Variants in IFT74 observed in about 807,000 individuals in gnomAD.
IFT74 encodes the protein intraflagellar transport protein 74 homolog.
IFT74 carries 92 observed loss-of-function variants against 96.7 expected under a neutral mutation model. The observed-to-expected ratio is 0.95, with a 90% CI of 0.80 to 1.13. IFT74 has a LOEUF of 1.13. Ranked by LOEUF, IFT74 falls within the 50% of genes most tolerant of loss-of-function variation. IFT74 has a pLI of 0.00. For synonymous variants in IFT74, 223 were observed against 213.2 expected (o/e 1.05, Z -0.40); for missense variants, 811 against 698.2 (o/e 1.16, Z -1.82).
At chr9:26,976,569 G>A (rs1827136936) in intron 2 of IFT74, 1 of 343,906 alleles carries the variant, frequency 2.9e-6, no homozygotes, top group Non-Finnish European at 5.6e-6. Flanking sequence ...GGAGGAAGGG[G>A]TCATCTACAG....
At chr9:27,029,848 C>T (rs1830041871) in intron 13 of IFT74, among the ~76,000 whole-genome samples, 1 of 152,180 alleles carries the variant, frequency 6.6e-6, no homozygotes, top group Non-Finnish European at 1.5e-5. Context: ...ACAAATACCA[C>T]ACAAATAATC....
intron 16 of IFT74, among the ~76,000 whole-genome samples, chr9:27,052,507 C>CAAAA (rs1187027414): frequency 7.0e-5 from 4 of 57,204 alleles, no homozygotes; most frequent in Non-Finnish European, 1.4e-4. Flanking sequence ...AAATCTATCT[C>CAAAA]AAAAAAAAAA....
intron 9 of IFT74, among the ~76,000 whole-genome samples, chr9:27,010,512 C>T (rs577366131): frequency 2.1e-5 from 3 of 140,674 alleles, no homozygotes; most frequent in Non-Finnish European, 4.6e-5. Flanking sequence ...TTTTTTGAGA[C>T]GGAGTTTCGC....
intron 5 of IFT74, 37 bp downstream of exon 5, chr9:26,984,392 G>A: frequency 6.3e-7 from 1 of 1,576,442 alleles, no homozygotes; most frequent in Non-Finnish European, 8.6e-7. Context: ...TCAGTATTTT[G>A]TGCTTATAAT....
intron 13 of IFT74, among the ~76,000 whole-genome samples, chr9:27,038,022 C>G (rs1000935093): frequency 1.2e-4 from 19 of 152,228 alleles, no homozygotes; most frequent in African/African-American, 4.3e-4. Flanking sequence ...CATTAAATGA[C>G]TTACACCCAC....
intron 10 of IFT74, among the ~76,000 whole-genome samples, chr9:27,014,997 T>G (rs766462469): frequency 1.6e-4 from 24 of 152,240 alleles, no homozygotes; most frequent in Non-Finnish European, 3.1e-4. Context: ...TTGAATACTT[T>G]ATGTTCACTG....
At chr9:26,984,618 C>G (rs375793406) in intron 6 of IFT74, 59 bp downstream of exon 6, 2 of 1,327,824 alleles carry the variant, frequency 1.5e-6, no homozygotes, top group Admixed American at 3.5e-5. Flanking sequence ...TTTACTACTG[C>G]TTTAAAAATA....
chr9:27,042,091 T>C (rs1292943437), intron 13 of IFT74, among the ~76,000 whole-genome samples: 4 of 152,076 alleles, frequency 2.6e-5, no homozygotes, highest in Admixed American at 2.0e-4. Context: ...CCAAATGTAA[T>C]AGGGAATAAA....
Position 27,006,761 on chromosome 9 carries a change from A to C in IFT74, c.588-2259A>C, listed in dbSNP as rs150843957. 7.0e-3 allele frequency among the ~76,000 whole-genome samples: 1,065 copies of C among 151,616 alleles called. 17 individuals are homozygous for C. Among genetic ancestry groups the C allele is most frequent in the African/African-American group, 0.025 (1,019 of 41,276 alleles). On this transcript the variant is annotated intron_variant, in intron 8 of 19. Coordinates refer to ENST00000380062, the MANE Select transcript of IFT74 (RefSeq NM_025103.4). The stretch of plus-strand genomic sequence containing the variant: ...AAAGAAAGGAGGTAGGGAGGGATTC[A>C]AATTGTAAAGATACCACCAAGTTTT...
chr9:26,998,257 AAAG>A (rs1301464473), intron 8 of IFT74: 19 of 1,367,628 alleles, frequency 1.4e-5, no homozygotes, highest in Non-Finnish European at 1.9e-5. Flanking sequence ...AAAACAAAAA[AAAG>A]AAAGGCATTA....
chr9:27,019,193 G>A (rs1282960094), intron 12 of IFT74, among the ~76,000 whole-genome samples: 1 of 152,058 alleles, frequency 6.6e-6, no homozygotes, highest in African/African-American at 2.4e-5. Flanking sequence ...CTAGCCTCAA[G>A]TGATCCTCCC....
At chr9:26,947,761 ACT>A (rs1825792481) in intron 1 of IFT74, among the ~76,000 whole-genome samples, 1 of 152,028 alleles carries the variant, frequency 6.6e-6, no homozygotes, top group South Asian at 2.1e-4. Flanking sequence ...TGAATCTCCT[ACT>A]CTCTGTTGTC....
In IFT74 at chr9:27,034,972, T is replaced by C. The variant is rs190949611; in HGVS notation, c.1054+5868T>C. 7.9e-5 allele frequency among the ~76,000 whole-genome samples: 12 copies of C among 152,366 alleles called. No individual in the cohort carries two copies. In the East Asian group the frequency reaches 2.3e-3, roughly 29 times the overall value. ...TTTTTTTCTTTAAAATGGAGGTAAT[T>C]ACAGTACCTACCTCTTAGGGTTATT... On this transcript the variant is annotated intron_variant, in intron 13 of 19. Transcript: ENST00000380062.
At chr9:26,975,765 C>T (rs774985729) in intron 2 of IFT74, among the ~76,000 whole-genome samples, 4 of 152,160 alleles carry the variant, frequency 2.6e-5, no homozygotes, top group African/African-American at 7.2e-5. Flanking sequence ...TCTTGCCTAT[C>T]GATTTCCATA....
At chr9:27,036,847 G>A in intron 13 of IFT74, 1 of 1,025,540 alleles carries the variant, frequency 9.8e-7, no homozygotes, top group Non-Finnish European at 1.2e-6. Context: ...GAAGGAAGCT[G>A]AAGCTGACAT....
intron 16 of IFT74, among the ~76,000 whole-genome samples, chr9:27,050,529 G>A (rs1387655583): frequency 6.6e-6 from 1 of 152,198 alleles, no homozygotes; most frequent in Non-Finnish European, 1.5e-5. Flanking sequence ...AATGGCTTCT[G>A]TGGGTGTTCT....
At position 27,064,862 on chromosome 9, in the gene IFT74, T is replaced by C. The variant is rs1169076594; in HGVS notation, c.*2126T>C. On this transcript the variant is annotated 3_prime_UTR_variant, in exon 20 of 20. Coordinates refer to ENST00000380062, the MANE Select transcript of IFT74 (RefSeq NM_025103.4). ...GGTTTTTTTCTGAGTGGTGGGATTATGGGTGATTGTAATCTTCCTTGGGCT... is the reference window on the plus strand; with the variant it reads ...GGTTTTTTTCTGAGTGGTGGGATTACGGGTGATTGTAATCTTCCTTGGGCT... 1.3e-5 allele frequency among the ~76,000 whole-genome samples: 2 copies of C among 152,130 alleles called. No homozygotes were observed. Among genetic ancestry groups the C allele is most frequent in the African/African-American group, 4.8e-5 (2 of 41,444 alleles).
chr9:27,044,671 G>A, intron 13 of IFT74, 71 bp from the exon 14 acceptor site: 1 of 847,906 alleles, frequency 1.2e-6, no homozygotes, highest in Non-Finnish European at 2.0e-6. Flanking sequence ...GAGAACCAAA[G>A]AGAGATTTTT....
chr9:27,002,988 A>G (rs191707756), intron 8 of IFT74, among the ~76,000 whole-genome samples: 1 of 151,928 alleles, frequency 6.6e-6, no homozygotes, highest in African/African-American at 2.4e-5. Flanking sequence ...AGTTTTTGTT[A>G]TATAGATATT....
Sources: allele counts gnomAD v4.1 joint callset (sites outside exome capture counted in the v4.1 genomes callset), GRCh38; gene constraint gnomAD v4.1.1; transcripts MANE v1.5; gene names NCBI Gene and HGNC (gene_info 2026-07-23, HGNC 2026-07-21).